PLXNC1: variants seen among roughly 807,000 people sequenced by gnomAD.
PLXNC1 encodes the protein plexin-C1.
Under a neutral mutation model 178.2 loss-of-function variants are expected in PLXNC1, and 75 were observed. The observed-to-expected ratio is 0.42, with a 90% CI of 0.35 to 0.51. The LOEUF (loss-of-function observed/expected upper bound fraction) is 0.51, where lower values mean the gene tolerates loss of function less well. PLXNC1 is among the 20% of genes least tolerant of loss of function. The pLI is 0.02. For synonymous variants in PLXNC1, 790 were observed against 779.9 expected, an observed-to-expected ratio of 1.01 and a Z score of -0.22; for missense variants, 1,503 against 1,984.4, an observed-to-expected ratio of 0.76 and a Z score of 4.61.
intron 7 of PLXNC1, 45 bp downstream of exon 7, chr12:94,224,360 TTTAC>T: frequency 9.4e-7 from 1 of 1,063,696 alleles, no homozygotes; most frequent in Non-Finnish European, 1.5e-6. Context: ...TTGATCTTAA[TTTAC>T]TTATTTGTTT....
chr12:94,166,266 G>A (rs1018036189), intron 1 of PLXNC1, among the ~76,000 whole-genome samples: 1 of 149,252 alleles, frequency 6.7e-6, no homozygotes, highest in African/African-American at 2.4e-5. Flanking sequence ...TGAGGCTTAC[G>A]CACAAACTCA....
chr12:94,259,334 C>T lies in PLXNC1; in HGVS notation c.3088-3C>T. 1.3e-6 allele frequency: 2 copies of T among 1,589,640 alleles called. No homozygotes were observed. Among genetic ancestry groups the T allele is most frequent in the South Asian group, 1.2e-5 (1 of 86,854 alleles). On this transcript the variant is annotated splice_region_variant and splice_polypyrimidine_tract_variant and intron_variant, in intron 17 of 30. Transcript: ENST00000258526. Reference sequence around the variant, plus strand: ...AATAATAAAAGTGTCTCCTTCCTCTCAGTCAGGTGGCTTCACCCACATCTT... The same window carrying T: ...AATAATAAAAGTGTCTCCTTCCTCTTAGTCAGGTGGCTTCACCCACATCTT...
intron 4 of PLXNC1, among the ~76,000 whole-genome samples, chr12:94,205,224 G>A (rs1026374240): frequency 2.6e-5 from 4 of 152,012 alleles, no homozygotes; most frequent in Non-Finnish European, 4.4e-5. Flanking sequence ...ATGTTGGCAT[G>A]AAAACAATTA....
At chr12:94,220,293 C>T (rs1324162031) in intron 6 of PLXNC1, 130 bp downstream of exon 6, 12 of 836,600 alleles carry the variant, frequency 1.4e-5, no homozygotes, top group Non-Finnish European at 2.2e-5. Flanking sequence ...CCCCCTGGTT[C>T]CCACTTTTGC....
chr12:94,301,045 G>T lies in PLXNC1; in HGVS notation c.4374G>T (p.Gln1458His), dbSNP rs1968411455. The T allele has an allele frequency of 1.9e-6, 3 of 1,613,702 alleles. No individual in the cohort carries two copies. In the East Asian group the frequency reaches 6.7e-5, roughly 36 times the overall value. ...TGGATGCATTTTCTCTCACAGAGCAGCAACTAGGGAAGGTAAGGCCCAGCT... is the reference window on the plus strand; with the variant it reads ...TGGATGCATTTTCTCTCACAGAGCATCAACTAGGGAAGGTAAGGCCCAGCT... ...AFMDAFSLTE[Q>H]QLGKEAPTNK... Residue 1458 changes from glutamine (Q) to histidine (H), a missense_variant, in exon 28 of 31, where the codon CAG becomes CAT. Gln to His is a conservative substitution (Grantham distance 24). Transcript: ENST00000258526.
In PLXNC1 at chr12:94,150,081, C is replaced by T. The variant is rs758090482; in HGVS notation, c.1062+48C>T. 5.7e-5 allele frequency: 77 copies of T among 1,351,288 alleles called. No homozygotes were observed. The South Asian group carries it at 1.1e-3, about 19-fold the overall frequency. 83.7% of individuals were successfully genotyped at this position (1,351,288 alleles called of 1,614,324 possible). ...CGCGGAGAGCGCTGCTGCCGGGGAG[C>T]CGCCGCCGCCGCCGAGGCAGAACGA... On this transcript the variant is annotated intron_variant, in intron 1 of 30. Transcript: ENST00000258526.
At chr12:94,255,006 C>G (rs574404921) in intron 16 of PLXNC1, 118 bp downstream of exon 16, 1 of 971,124 alleles carries the variant, frequency 1.0e-6, no homozygotes, top group Non-Finnish European at 1.6e-6. Context: ...TAGAAGGCAA[C>G]GGAAGGGCAG....
intron 5 of PLXNC1, among the ~76,000 whole-genome samples, chr12:94,218,659 T>C (rs1454725122): frequency 6.6e-6 from 1 of 152,056 alleles, no homozygotes; most frequent in African/African-American, 2.4e-5. Context: ...AAAAGTTACT[T>C]TGGGGACATT....
Position 94,223,843 on chromosome 12 carries a change from G to A in PLXNC1, c.1703-385G>A, listed in dbSNP as rs79709340. Among the ~76,000 whole-genome samples the A allele has an allele frequency of 4.0e-3, 604 of 152,248 alleles. 5 individuals are homozygous for A. Among genetic ancestry groups the A allele is most frequent in the African/African-American group, 0.013 (559 of 41,548 alleles). On this transcript the variant is annotated intron_variant, in intron 6 of 30. Coordinates refer to ENST00000258526, the MANE Select transcript of PLXNC1 (RefSeq NM_005761.3). Reference sequence around the variant, plus strand: ...GAAGGTGCAGGATTTCTAATGCTCCGGTTTTCATGTTCTAGGCACTTCTTG... The same window carrying A: ...GAAGGTGCAGGATTTCTAATGCTCCAGTTTTCATGTTCTAGGCACTTCTTG...
At chr12:94,241,053 T>C (rs931557531) in intron 11 of PLXNC1, among the ~76,000 whole-genome samples, 1 of 152,206 alleles carries the variant, frequency 6.6e-6, no homozygotes, top group African/African-American at 2.4e-5. Context: ...GGGGAAATAT[T>C]GGGAGCTATC....
intron 12 of PLXNC1, among the ~76,000 whole-genome samples, chr12:94,244,518 C>T (rs911782769): frequency 8.5e-5 from 13 of 152,166 alleles, no homozygotes; most frequent in Admixed American, 7.2e-4. Flanking sequence ...CTGATGTCAC[C>T]TTCTCTTACC....
chr12:94,228,006 C>T (rs1183957980), intron 9 of PLXNC1, among the ~76,000 whole-genome samples: 5 of 152,180 alleles, frequency 3.3e-5, no homozygotes, highest in Non-Finnish European at 2.9e-5. Context: ...AATGACAGCT[C>T]TGGGGAGAAA....
chr12:94,257,592 G>A (rs1203013294), intron 17 of PLXNC1, among the ~76,000 whole-genome samples: 2 of 152,080 alleles, frequency 1.3e-5, no homozygotes, highest in Non-Finnish European at 2.9e-5. Flanking sequence ...TGGCCAACAT[G>A]GTGAAACCCC....
Position 94,260,704 on chromosome 12 carries a change from T to C in PLXNC1, c.3314T>C (p.Ile1105Thr). 1 of 1,613,792 alleles carries C rather than the reference T, an allele frequency of 6.2e-7. No individual in the cohort carries two copies. Among genetic ancestry groups the C allele is most frequent in the Non-Finnish European group, 8.5e-7 (1 of 1,179,710 alleles). Residue 1105 changes from isoleucine (I) to threonine (T), a missense_variant, in exon 20 of 31, where the codon ATC becomes ACC. Ile to Thr is a moderately conservative substitution (Grantham distance 89). Transcript: ENST00000258526. This position sits in a 1 kb window ranked among gnomAD's most constrained non-coding sequence, Gnocchi z 4.4. ...LQTKLVYLTS[I>T]LEVLTRDLME... is the part of the protein sequence containing the mutation. ...ACCAAGCTGGTCTACCTGACCAGCA[T>C]CCTAGAGGTGCTGACCAGGGACTTG...
chr12:94,296,874 T>C (rs990161099), intron 24 of PLXNC1, among the ~76,000 whole-genome samples: 6 of 152,228 alleles, frequency 3.9e-5, no homozygotes, highest in Non-Finnish European at 8.8e-5. Flanking sequence ...ATATGCCCAG[T>C]AGTCCCTGGC....
intron 4 of PLXNC1, among the ~76,000 whole-genome samples, chr12:94,191,362 A>G (rs1407713868): frequency 6.6e-6 from 1 of 152,228 alleles, no homozygotes; most frequent in Non-Finnish European, 1.5e-5. Flanking sequence ...AATGTCATGG[A>G]TTTATTTAGA....
At chr12:94,229,386 TAC>T (rs1964029610) in intron 9 of PLXNC1, among the ~76,000 whole-genome samples, 1 of 152,260 alleles carries the variant, frequency 6.6e-6, no homozygotes, top group Non-Finnish European at 1.5e-5. Flanking sequence ...TGTCCTGTAA[TAC>T]ACAGAGTTTT....
intron 4 of PLXNC1, among the ~76,000 whole-genome samples, chr12:94,196,698 G>C (rs1282284682): frequency 4.6e-5 from 7 of 152,282 alleles, no homozygotes; most frequent in Admixed American, 4.6e-4. Flanking sequence ...TCCACAGGGA[G>C]CCTGCCTCGA....
intron 2 of PLXNC1, among the ~76,000 whole-genome samples, chr12:94,171,162 C>T (rs1200179423): frequency 6.6e-6 from 1 of 152,196 alleles, no homozygotes; most frequent in South Asian, 2.1e-4. Flanking sequence ...ACCCAGCAGC[C>T]TGCATGCCGC....
Sources: gnomAD v4.1 joint callset for allele counts (sites outside exome capture counted in the v4.1 genomes callset) on GRCh38, gnomAD v4.1.1 for gene constraint, Gnocchi (gnomAD v3.1) non-coding constraint, MANE v1.5 for transcripts, NCBI Gene and HGNC (gene_info 2026-07-23, HGNC 2026-07-21) for gene names.